Variants in ALK observed in about 807,000 individuals in gnomAD.
ALK encodes ALK receptor tyrosine kinase, also known as ALK tyrosine kinase receptor.
Under a neutral mutation model 163.1 loss-of-function variants are expected in ALK, and 74 were observed. That is an observed-to-expected ratio of 0.45 (90% CI 0.38 to 0.55). The LOEUF is 0.55. ALK is among the 20% of genes least tolerant of loss of function. The probability of loss-of-function intolerance (pLI) is 0.00; values close to 1 mark genes in which losing one functional copy is unlikely to be tolerated. For missense variants in ALK, 2,063 were observed against 2,105.3 expected (o/e 0.98, Z 0.39); for synonymous variants, 960 against 843.2 (o/e 1.14, Z -2.40).
chr2:29,368,834 T>A (rs577982072), intron 5 of ALK, among the ~76,000 whole-genome samples: 1 of 152,316 alleles, frequency 6.6e-6, no homozygotes, highest in Admixed American at 6.5e-5. Flanking sequence ...AGGGGTGATA[T>A]TTAAACCCTT....
chr2:29,722,866 G>A (rs568201136), intron 1 of ALK, among the ~76,000 whole-genome samples: 129 of 152,256 alleles, frequency 8.5e-4, no homozygotes, highest in African/African-American at 3.1e-3. Context: ...ATTTCAGAAA[G>A]TGTTACCAAT....
At chr2:29,311,361 G>C (rs1666690179) in intron 8 of ALK, among the ~76,000 whole-genome samples, 1 of 152,114 alleles carries the variant, frequency 6.6e-6, no homozygotes, top group African/African-American at 2.4e-5. Context: ...TCTTCCTCTG[G>C]GTTTCTTAGA....
intron 4 of ALK, among the ~76,000 whole-genome samples, chr2:29,425,630 G>A (rs1350551795): frequency 1.3e-5 from 2 of 152,276 alleles, no homozygotes; most frequent in East Asian, 1.9e-4. Flanking sequence ...TGACCATAAT[G>A]TAGGGTGTCA....
intron 4 of ALK, among the ~76,000 whole-genome samples, chr2:29,478,429 C>G (rs1381201849): frequency 1.3e-5 from 2 of 152,232 alleles, no homozygotes; most frequent in Non-Finnish European, 2.9e-5. Flanking sequence ...GGTGAGTGCT[C>G]CCATCACTGG....
chr2:29,194,042 G>A (rs2148139382), intron 28 of ALK, 120 bp from the exon 29 acceptor site: 1 of 1,007,752 alleles, frequency 9.9e-7, no homozygotes, highest in East Asian at 2.5e-5. Flanking sequence ...AGGATTTATT[G>A]AGAATATAGT....
intron 4 of ALK, among the ~76,000 whole-genome samples, chr2:29,434,779 T>C (rs1670359163): frequency 6.6e-6 from 1 of 152,204 alleles, no homozygotes; most frequent in Admixed American, 6.5e-5. Flanking sequence ...GCCTTTCAAT[T>C]CTAATGGACA....
At chr2:29,241,273 A>G (rs894470375) in intron 12 of ALK, among the ~76,000 whole-genome samples, 1 of 152,134 alleles carries the variant, frequency 6.6e-6, no homozygotes, top group Non-Finnish European at 1.5e-5. Context: ...TGAGGAGGCA[A>G]AGTGGAGTGC....
At chr2:29,552,087 T>C (rs1176086946) in intron 3 of ALK, among the ~76,000 whole-genome samples, 1 of 152,206 alleles carries the variant, frequency 6.6e-6, no homozygotes. Flanking sequence ...CTATTCTAGA[T>C]ACCTTGTAAA....
In ALK at chr2:29,193,645, G is replaced by C. The variant is rs1356575388; in HGVS notation, c.4442C>G (p.Ser1481Cys). The C allele has an allele frequency of 6.2e-7, 1 of 1,614,256 alleles. No homozygotes were observed. Among genetic ancestry groups the C allele is most frequent in the Admixed American group, 1.7e-5 (1 of 60,036 alleles). ...VEGGHVNMAFSQSNPPSELHK... is the reference protein window; with the variant it reads ...VEGGHVNMAFCQSNPPSELHK... ...CAACTCCGAAGGAGGGTTGGACTGA[G>C]AGAATGCCATATTCACGTGTCCCCC... Residue 1481 changes from serine (S) to cysteine (C), a missense_variant, in exon 29 of 29, where the codon TCT becomes TGT. Physicochemically the swap from Ser to Cys is moderately radical, Grantham distance 112 (BLOSUM62 -1). Coordinates refer to ENST00000389048, the MANE Select transcript of ALK (RefSeq NM_004304.5).
chr2:29,753,789 T>C (rs775119375), intron 1 of ALK, among the ~76,000 whole-genome samples: 3 of 152,160 alleles, frequency 2.0e-5, no homozygotes, highest in Admixed American at 6.5e-5. Context: ...TCCAAGAAAC[T>C]TTTTCTGGTC....
At chr2:29,503,681 C>T (rs1277003468) in intron 4 of ALK, among the ~76,000 whole-genome samples, 2 of 152,058 alleles carry the variant, frequency 1.3e-5, no homozygotes, top group African/African-American at 4.8e-5. Context: ...AGGCAGAGAC[C>T]TAAAACAGCT....
At chr2:29,641,515 G>A (rs1480070375) in intron 3 of ALK, among the ~76,000 whole-genome samples, 2 of 152,056 alleles carry the variant, frequency 1.3e-5, no homozygotes, top group African/African-American at 2.4e-5. Flanking sequence ...ACAATGCAAA[G>A]TCATTCATGC....
chr2:29,710,797 A>T (rs1679072182), intron 2 of ALK, among the ~76,000 whole-genome samples: 1 of 152,044 alleles, frequency 6.6e-6, no homozygotes, highest in Non-Finnish European at 1.5e-5. Flanking sequence ...AGGCGTGAGC[A>T]ACTGTGCCTG....
intron 9 of ALK, among the ~76,000 whole-genome samples, chr2:29,291,393 A>G (rs1666019085): frequency 6.6e-6 from 1 of 152,146 alleles, no homozygotes; most frequent in African/African-American, 2.4e-5. Context: ...TTAAAAAACA[A>G]CAACAATGGC....
intron 3 of ALK, among the ~76,000 whole-genome samples, chr2:29,665,202 A>T (rs1362927469): frequency 6.6e-6 from 1 of 151,262 alleles, no homozygotes; most frequent in Non-Finnish European, 1.5e-5. Flanking sequence ...GACCAGGTTG[A>T]TCTCAAACTC....
At chr2:29,293,879 G>C (rs1393395233) in intron 9 of ALK, among the ~76,000 whole-genome samples, 1 of 112,810 alleles carries the variant, frequency 8.9e-6, no homozygotes, top group African/African-American at 3.0e-5. Flanking sequence ...AGTCTCTTAA[G>C]TGCTAACCTC....
At chr2:29,816,883 C>T (rs1202702279) in intron 1 of ALK, among the ~76,000 whole-genome samples, 21 of 152,122 alleles carry the variant, frequency 1.4e-4, no homozygotes, top group Admixed American at 1.2e-3. Flanking sequence ...GGAGTGGGAG[C>T]TCATGAATAA....
At position 29,532,050 on chromosome 2, in the gene ALK, C is replaced by G; in HGVS notation, c.1019G>C (p.Ser340Thr). ...GGCCAGTGTGCAGTGCTCACTGCTG[C>G]TCCTCATCCACGGACTCAGGATGGT... ...KHTILSPWMR[S>T]SSEHCTLAVS... Residue 340 changes from serine to threonine, a missense_variant, in exon 4 of 29, where the codon AGC becomes ACC. Physicochemically the swap from Ser to Thr is moderately conservative, Grantham distance 58. Coordinates refer to ENST00000389048, the MANE Select transcript of ALK (RefSeq NM_004304.5). 1 of 1,613,948 alleles carries G rather than the reference C, an allele frequency of 6.2e-7. No individual in the cohort carries two copies. Among genetic ancestry groups the G allele is most frequent in the Non-Finnish European group, 8.5e-7 (1 of 1,179,996 alleles).
chr2:29,877,717 C>T (rs1666759582), intron 1 of ALK, among the ~76,000 whole-genome samples: 1 of 152,298 alleles, frequency 6.6e-6, no homozygotes, highest in Admixed American at 6.5e-5. Flanking sequence ...CCCACTCCCA[C>T]ACCCCTCCCA....
Sources: gnomAD v4.1 joint callset for allele counts (sites outside exome capture counted in the v4.1 genomes callset) on GRCh38, gnomAD v4.1.1 for gene constraint, MANE v1.5 for transcripts, NCBI Gene and HGNC (gene_info 2026-07-23, HGNC 2026-07-21) for gene names.